USP48: variants seen among roughly 807,000 people sequenced by gnomAD.
USP48 encodes the protein ubiquitin carboxyl-terminal hydrolase 48.
In USP48, 43 loss-of-function variants were observed where a neutral mutation model predicts 150.7. That is an observed-to-expected ratio of 0.29 (90% CI 0.22 to 0.37). The LOEUF (loss-of-function observed/expected upper bound fraction) is 0.37, where lower values mean the gene tolerates loss of function less well. Ranked by LOEUF, USP48 falls within the 10% of genes least tolerant of loss-of-function variation. USP48 has a pLI of 1.00. For synonymous variants in USP48, 396 were observed against 425.9 expected, an observed-to-expected ratio of 0.93 and a Z score of 0.86; for missense variants, 813 against 1,249.6, an observed-to-expected ratio of 0.65 and a Z score of 5.27.
chr1:21,754,624 G>A (rs185412974), intron 3 of USP48, among the ~76,000 whole-genome samples: 1 of 152,312 alleles, frequency 6.6e-6, no homozygotes, highest in Admixed American at 6.5e-5. Context: ...TGCAGGGTTT[G>A]GTTGTGCCTC....
chr1:21,721,851 G>C, intron 12 of USP48, 87 bp from the exon 13 acceptor site: 1 of 946,228 alleles, frequency 1.1e-6, no homozygotes, highest in Admixed American at 3.2e-5. Flanking sequence ...CACAAACACA[G>C]ACACATTCTA....
intron 11 of USP48, 99 bp from the exon 12 acceptor site, chr1:21,724,194 G>A (rs1477304375): frequency 8.4e-7 from 1 of 1,183,478 alleles, no homozygotes; most frequent in Admixed American, 2.0e-5. Context: ...ACTCTGTCCA[G>A]AGTTAGCAGA....
chr1:21,755,957 G>A (rs1401293362), intron 3 of USP48, among the ~76,000 whole-genome samples: 2 of 151,954 alleles, frequency 1.3e-5, no homozygotes, highest in African/African-American at 2.4e-5. Context: ...CCTGAGGTCG[G>A]GAGTTCAAGA....
intron 8 of USP48, among the ~76,000 whole-genome samples, chr1:21,741,988 G>C (rs1049492772): frequency 1.2e-4 from 18 of 151,988 alleles, no homozygotes; most frequent in African/African-American, 3.9e-4. Flanking sequence ...TAATTTAGGA[G>C]AGTGTCGATT....
At chr1:21,743,626 G>A (rs1345689670) in intron 8 of USP48, among the ~76,000 whole-genome samples, 1 of 152,112 alleles carries the variant, frequency 6.6e-6, no homozygotes, top group East Asian at 1.9e-4. Flanking sequence ...AATAAAAGAA[G>A]CATTCCACAT....
intron 8 of USP48, among the ~76,000 whole-genome samples, chr1:21,740,927 A>C (rs2097780121): frequency 6.6e-6 from 1 of 152,240 alleles, no homozygotes; most frequent in South Asian, 2.1e-4. Context: ...ACAGAGAACG[A>C]ATAAAGTACA....
Position 21,706,460 on chromosome 1 carries a change from A to T in USP48, c.2211+7T>A. The T allele has an allele frequency of 6.2e-7, 1 of 1,613,756 alleles. No individual in the cohort carries two copies. ...ATGCATTCTTTCTTTTGTGGGAATC[A>T]TTATACCTCTGGCCAGTTACTGAGA... is the stretch of plus-strand genomic sequence containing the variant. On this transcript the variant is annotated splice_region_variant and intron_variant, in intron 17 of 26. Transcript: ENST00000308271.
At chr1:21,694,355 G>A (rs557467625) in intron 23 of USP48, among the ~76,000 whole-genome samples, 2 of 151,866 alleles carry the variant, frequency 1.3e-5, no homozygotes, top group Admixed American at 6.6e-5. Context: ...GGTGGAAAAC[G>A]AGGTAAGGAG....
At chr1:21,728,460 G>A in intron 11 of USP48, 110 bp downstream of exon 11, 1 of 1,503,624 alleles carries the variant, frequency 6.7e-7, no homozygotes, top group Admixed American at 2.3e-5. Flanking sequence ...GCTGGCTTTA[G>A]TGGGTTATTA....
chr1:21,747,620 C>T (rs777869211), intron 7 of USP48, among the ~76,000 whole-genome samples: 53 of 152,012 alleles, frequency 3.5e-4, no homozygotes, highest in Non-Finnish European at 6.5e-4. Flanking sequence ...TTGCCCAGGC[C>T]GGAGTACAAT....
intron 1 of USP48, among the ~76,000 whole-genome samples, chr1:21,765,158 G>C (rs944109854): frequency 1.3e-5 from 2 of 152,184 alleles, no homozygotes; most frequent in Non-Finnish European, 2.9e-5. Context: ...GCCATAGTAC[G>C]ATAAGGAATT....
chr1:21,757,818 G>A, intron 1 of USP48, 35 bp from the exon 2 acceptor site: 1 of 1,560,792 alleles, frequency 6.4e-7, no homozygotes, highest in Non-Finnish European at 8.6e-7. Flanking sequence ...ATTTTTAAAA[G>A]ACCATAGTTT....
intron 1 of USP48, among the ~76,000 whole-genome samples, chr1:21,770,267 C>T (rs2097875595): frequency 6.6e-6 from 1 of 151,818 alleles, no homozygotes; most frequent in Non-Finnish European, 1.5e-5. Context: ...GAAGGAATGA[C>T]AATGTATGAA....
At chr1:21,772,935 CAAGA>C (rs981530204) in intron 1 of USP48, among the ~76,000 whole-genome samples, 3 of 134,260 alleles carry the variant, frequency 2.2e-5, no homozygotes, top group African/African-American at 5.5e-5. Flanking sequence ...AAAAAAAAAC[CAAGA>C]AAGAAAGAAA....
chr1:21,782,219 A>G (rs1163203028), intron 1 of USP48, among the ~76,000 whole-genome samples: 3 of 152,214 alleles, frequency 2.0e-5, no homozygotes, highest in Admixed American at 2.0e-4. Flanking sequence ...GGTAAAGTTC[A>G]AGGGCGGCGC....
At chr1:21,692,327 A>G (rs1346805418) in intron 23 of USP48, among the ~76,000 whole-genome samples, 3 of 152,166 alleles carry the variant, frequency 2.0e-5, no homozygotes, top group Non-Finnish European at 4.4e-5. Context: ...AACATCAAGC[A>G]GAGGCATATC....
In USP48 at chr1:21,747,097, A is replaced by C. The variant is rs370510874; in HGVS notation, c.961T>G (p.Leu321Val). The change falls in exon 8 of 27, where the codon TTG (leucine) becomes GTG (valine). Residue 321 changes from leucine (L) to valine (V), a missense_variant. Leu to Val is a conservative substitution (Grantham distance 32). Transcript: ENST00000308271. ...TGTTCCACATAAGGCTCCATATCCA[A>C]AATTTCTGAGAAGCCAATGTAGGTA... ...LNTYIGFSEI[L>V]DMEPYVEHKG... The C allele has an allele frequency of 1.2e-6, 2 of 1,612,118 alleles. No homozygotes were observed. Among genetic ancestry groups the C allele is most frequent in the African/African-American group, 2.7e-5 (2 of 74,888 alleles).
chr1:21,737,876 A>G (rs992306731), intron 8 of USP48, among the ~76,000 whole-genome samples: 1 of 152,112 alleles, frequency 6.6e-6, no homozygotes, highest in South Asian at 2.1e-4. Flanking sequence ...TTACAGTACA[A>G]ATCTTTGCAC....
intron 1 of USP48, among the ~76,000 whole-genome samples, chr1:21,764,661 G>A (rs1447717900): frequency 2.0e-5 from 3 of 148,330 alleles, no homozygotes; most frequent in Admixed American, 6.8e-5. Context: ...AGCCGAGATC[G>A]TGATTGTGCC....
Sources: allele counts gnomAD v4.1 joint callset (sites outside exome capture counted in the v4.1 genomes callset), GRCh38; gene constraint gnomAD v4.1.1; transcripts MANE v1.5; gene names NCBI Gene and HGNC (gene_info 2026-07-23, HGNC 2026-07-21).